The following DOK6 variants were observed in gnomAD, a reference collection of about 807,000 sequenced individuals.
DOK6 encodes downstream of tyrosine kinase 6.
Under a neutral mutation model 44.0 loss-of-function variants are expected in DOK6, and 22 were observed. The ratio of observed to expected loss-of-function variants is 0.50; its 90% CI spans 0.36 to 0.71. DOK6 has a LOEUF of 0.71. Among genes scored for constraint, DOK6 ranks in the 30% least tolerant of loss-of-function variants. The pLI is 0.00. For synonymous variants in DOK6, 166 were observed against 145.5 expected, an observed-to-expected ratio of 1.14 and a Z score of -1.01; for missense variants, 340 against 416.4, an observed-to-expected ratio of 0.82 and a Z score of 1.60.
At chr18:69,612,441 G>GGCGCATGTGTGCGAC (rs1568311268) in intron 3 of DOK6, among the ~76,000 whole-genome samples, 27 of 143,514 alleles carry the variant, frequency 1.9e-4, no homozygotes, top group Admixed American at 4.8e-4. Context: ...ATGTGTGCGA[G>GGCGCATGTGTGCGAC]GGCGCATGTG....
intron 3 of DOK6, among the ~76,000 whole-genome samples, chr18:69,673,243 T>G (rs1214813895): frequency 6.6e-6 from 1 of 152,036 alleles, no homozygotes; most frequent in East Asian, 1.9e-4. Flanking sequence ...TATATATATA[T>G]ATGATGAAAA....
At chr18:69,476,737 C>A (rs549065563) in intron 1 of DOK6, among the ~76,000 whole-genome samples, 1 of 152,222 alleles carries the variant, frequency 6.6e-6, no homozygotes, top group Admixed American at 6.5e-5. Flanking sequence ...GGGCCGACTG[C>A]GGCCTGCAGA....
At chr18:69,696,977 A>C (rs1986402619) in intron 4 of DOK6, among the ~76,000 whole-genome samples, 1 of 152,236 alleles carries the variant, frequency 6.6e-6, no homozygotes, top group Admixed American at 6.5e-5. Flanking sequence ...TGAATGTGAA[A>C]TCCATACACA....
At chr18:69,609,510 T>TAAATAAATAAATA (rs570317288) in intron 3 of DOK6, among the ~76,000 whole-genome samples, 1 of 150,024 alleles carries the variant, frequency 6.7e-6, no homozygotes, top group Non-Finnish European at 1.5e-5. Context: ...AATAAATAAA[T>TAAATAAATAAATA]AATAAAATGA....
At chr18:69,798,866 C>G (rs184508238) in intron 7 of DOK6, among the ~76,000 whole-genome samples, 1 of 151,978 alleles carries the variant, frequency 6.6e-6, no homozygotes, top group East Asian at 1.9e-4. Context: ...TACTGTTATC[C>G]TTCATAGCAG....
chr18:69,516,465 G>C (rs1981526093), intron 1 of DOK6, among the ~76,000 whole-genome samples: 1 of 152,144 alleles, frequency 6.6e-6, no homozygotes, highest in Admixed American at 6.5e-5. Flanking sequence ...TGTTATGGAA[G>C]AGGGTGTATG....
intron 1 of DOK6, among the ~76,000 whole-genome samples, chr18:69,427,865 C>A (rs1978686754): frequency 6.6e-6 from 1 of 151,854 alleles, no homozygotes; most frequent in Non-Finnish European, 1.5e-5. Context: ...GCAACCTCAG[C>A]CTCCTGGGTT....
At chr18:69,786,979 G>A (rs917122255) in intron 7 of DOK6, among the ~76,000 whole-genome samples, 7 of 152,214 alleles carry the variant, frequency 4.6e-5, no homozygotes, top group Admixed American at 2.0e-4. Context: ...ACTTTGGGTG[G>A]TTGAGGCAGG....
intron 1 of DOK6, among the ~76,000 whole-genome samples, chr18:69,435,430 C>T (rs1020517238): frequency 4.6e-5 from 7 of 152,114 alleles, no homozygotes; most frequent in Non-Finnish European, 1.5e-5. Context: ...ATTTAGTAAA[C>T]AGGCAAATGT....
At chr18:69,552,660 G>C (rs1293573311) in intron 1 of DOK6, among the ~76,000 whole-genome samples, 1 of 152,254 alleles carries the variant, frequency 6.6e-6, no homozygotes, top group South Asian at 2.1e-4. Context: ...ATTATAATCT[G>C]CATGTTATTC....
At chr18:69,762,115 G>C (rs376606863) in intron 7 of DOK6, among the ~76,000 whole-genome samples, 64 of 152,222 alleles carry the variant, frequency 4.2e-4, no homozygotes, top group African/African-American at 1.5e-3. Flanking sequence ...GTTAAGACCA[G>C]TCTGGGCAAT....
chr18:69,437,845 A>G (rs1179188918), intron 1 of DOK6, among the ~76,000 whole-genome samples: 1 of 152,224 alleles, frequency 6.6e-6, no homozygotes. Context: ...GCAAATATCA[A>G]AAAGAGTCAA....
intron 7 of DOK6, among the ~76,000 whole-genome samples, chr18:69,828,440 G>A (rs889025212): frequency 6.6e-6 from 1 of 151,612 alleles, no homozygotes; most frequent in Admixed American, 6.6e-5. Context: ...CGCAGTTGTA[G>A]AAAATTAATA....
At chr18:69,773,722 G>A (rs1039220225) in intron 7 of DOK6, among the ~76,000 whole-genome samples, 1 of 151,846 alleles carries the variant, frequency 6.6e-6, no homozygotes, top group Non-Finnish European at 1.5e-5. Flanking sequence ...CAGGTATAAA[G>A]TTTCAGTTAT....
intron 1 of DOK6, among the ~76,000 whole-genome samples, chr18:69,457,997 G>T (rs1441584410): frequency 6.6e-6 from 1 of 152,142 alleles, no homozygotes; most frequent in Non-Finnish European, 1.5e-5. Flanking sequence ...ACAAGAATTT[G>T]CTGGGCGTGG....
intron 2 of DOK6, among the ~76,000 whole-genome samples, chr18:69,571,169 A>G (rs1343447040): frequency 6.6e-6 from 1 of 152,064 alleles, no homozygotes; most frequent in Non-Finnish European, 1.5e-5. Flanking sequence ...AATATTAAGT[A>G]TAAGTAGACT....
intron 1 of DOK6, among the ~76,000 whole-genome samples, chr18:69,438,742 G>C (rs1979053540): frequency 6.6e-6 from 1 of 152,138 alleles, no homozygotes. Context: ...CTTGACTCAT[G>C]GGTGGCAGAA....
intron 5 of DOK6, among the ~76,000 whole-genome samples, chr18:69,727,106 T>C (rs987308713): frequency 2.6e-5 from 4 of 152,114 alleles, no homozygotes; most frequent in African/African-American, 9.7e-5. Context: ...CAATCCTCCT[T>C]CTTTGGCCTC....
intron 7 of DOK6, among the ~76,000 whole-genome samples, chr18:69,775,816 C>T (rs1980046340): frequency 6.6e-6 from 1 of 151,722 alleles, no homozygotes; most frequent in Non-Finnish European, 1.5e-5. Context: ...GTTTAAGATA[C>T]AGGAATGTTG....
Sources: allele counts gnomAD v4.1 joint callset (sites outside exome capture counted in the v4.1 genomes callset), GRCh38; gene constraint gnomAD v4.1.1; transcripts MANE v1.5; gene names NCBI Gene and HGNC (gene_info 2026-07-23, HGNC 2026-07-21).